The following LPP variants were observed in gnomAD, a reference collection of about 807,000 sequenced individuals.
LPP encodes LIM domain containing preferred translocation partner in lipoma, also known as lipoma-preferred partner.
LPP carries 38 observed loss-of-function variants against 60.4 expected under a neutral mutation model. That is an observed-to-expected ratio of 0.63 (90% CI 0.49 to 0.83). The LOEUF is 0.83. LPP is among the 40% of genes least tolerant of loss of function. The pLI, the probability that LPP is intolerant of heterozygous loss-of-function variation, is 0.00. For synonymous variants in LPP, 328 were observed against 290.8 expected (o/e 1.13, Z -1.30); for missense variants, 902 against 783.6 (o/e 1.15, Z -1.80).
In LPP at chr3:188,609,624, A is replaced by C; in HGVS notation, c.893A>C (p.Glu298Ala). ...GYAPNQGRYY[E>A]GYYAAGPGYG... The stretch of plus-strand genomic sequence containing the variant: ...GCCCCCAACCAGGGACGCTATTATG[A>C]AGGCTACTATGCAGCAGGGCCAGGC... The change falls in exon 7 of 12, where the codon GAA (glutamate) becomes GCA (alanine). Residue 298 changes from glutamate to alanine, a missense_variant. Transcript: ENST00000617246. This position sits in a 1 kb window ranked among gnomAD's most constrained non-coding sequence, Gnocchi z 6.9. 6.2e-7 allele frequency: 1 copy of C among 1,614,128 alleles called. No homozygotes were observed. Among genetic ancestry groups the C allele is most frequent in the African/African-American group, 1.3e-5 (1 of 75,030 alleles).
intron 4 of LPP, among the ~76,000 whole-genome samples, chr3:188,412,596 C>A (rs1488274095): frequency 2.0e-5 from 3 of 152,146 alleles, no homozygotes; most frequent in African/African-American, 7.2e-5. Context: ...ACACCTAGGG[C>A]TCTTACGAAT....
chr3:188,480,288 T>G (rs1034499416), intron 4 of LPP, among the ~76,000 whole-genome samples: 1 of 152,232 alleles, frequency 6.6e-6, no homozygotes, highest in African/African-American at 2.4e-5. Context: ...ACTCCTCATT[T>G]AACTGTTTCT....
chr3:188,216,188 T>G (rs1431470413), intron 1 of LPP, among the ~76,000 whole-genome samples: 1 of 152,174 alleles, frequency 6.6e-6, no homozygotes, highest in Non-Finnish European at 1.5e-5. Flanking sequence ...TATCTAATAT[T>G]TTAGTAATTA....
At chr3:188,392,436 C>T (rs183748207) in intron 3 of LPP, among the ~76,000 whole-genome samples, 10 of 152,238 alleles carry the variant, frequency 6.6e-5, no homozygotes, top group Admixed American at 1.3e-4. Context: ...GTTGCTCCCT[C>T]GCTGCACTGT....
intron 6 of LPP, among the ~76,000 whole-genome samples, chr3:188,604,689 G>T (rs1842066002): frequency 6.6e-6 from 1 of 152,004 alleles, no homozygotes; most frequent in Non-Finnish European, 1.5e-5. Context: ...CATTTTTCTT[G>T]GGATATTAAC....
chr3:188,651,977 G>A (rs2148980790), intron 7 of LPP, among the ~76,000 whole-genome samples: 1 of 152,292 alleles, frequency 6.6e-6, no homozygotes, highest in South Asian at 2.1e-4. Context: ...CATCAAAGCA[G>A]TTAAATGACT....
At chr3:188,847,680 G>A (rs969963776) in intron 9 of LPP, among the ~76,000 whole-genome samples, 31 of 152,188 alleles carry the variant, frequency 2.0e-4, no homozygotes, top group African/African-American at 7.0e-4. Context: ...TTAACAGGTT[G>A]TCAGGCAAAT....
intron 3 of LPP, among the ~76,000 whole-genome samples, chr3:188,380,685 G>A (rs1437040047): frequency 6.6e-6 from 1 of 152,118 alleles, no homozygotes; most frequent in African/African-American, 2.4e-5. Flanking sequence ...AGGTTTAGTG[G>A]TCCATGAACC....
intron 9 of LPP, among the ~76,000 whole-genome samples, chr3:188,781,725 A>T (rs1400957164): frequency 2.6e-5 from 4 of 151,538 alleles, no homozygotes; most frequent in African/African-American, 9.7e-5. Context: ...CTACTAAAAA[A>T]AAAAAAATAC....
intron 6 of LPP, among the ~76,000 whole-genome samples, chr3:188,527,348 G>A (rs1424559239): frequency 1.2e-4 from 9 of 73,650 alleles, no homozygotes; most frequent in South Asian, 5.3e-4. Context: ...GACTCCATCT[G>A]AAAAAAAAAA....
At chr3:188,579,629 T>G (rs1835574814) in intron 6 of LPP, among the ~76,000 whole-genome samples, 1 of 145,418 alleles carries the variant, frequency 6.9e-6, no homozygotes, top group East Asian at 2.1e-4. Context: ...ATATCTAACT[T>G]TATTAACAAT....
intron 4 of LPP, among the ~76,000 whole-genome samples, chr3:188,466,035 G>T (rs1437936766): frequency 6.6e-6 from 1 of 152,148 alleles, no homozygotes; most frequent in Non-Finnish European, 1.5e-5. Context: ...AGGGCAGGAA[G>T]AAGGGGCAAG....
chr3:188,681,617 C>T (rs1577004952), intron 7 of LPP, among the ~76,000 whole-genome samples: 1 of 152,224 alleles, frequency 6.6e-6, no homozygotes, highest in East Asian at 1.9e-4. Context: ...TGATGCACTT[C>T]TCAAAGTATG....
intron 7 of LPP, among the ~76,000 whole-genome samples, chr3:188,663,237 T>C (rs74781759): frequency 0.01 from 1,540 of 152,338 alleles, 30 homozygotes; most frequent in African/African-American, 0.035. Flanking sequence ...TGAGACATCT[T>C]GGATCTGATT....
chr3:188,679,814 G>C (rs978509173), intron 7 of LPP, among the ~76,000 whole-genome samples: 6 of 151,968 alleles, frequency 3.9e-5, no homozygotes, highest in Non-Finnish European at 7.4e-5. Flanking sequence ...GAAACCTTTT[G>C]ATGACTCAGG....
chr3:188,770,197 G>A (rs1334377079), intron 9 of LPP, among the ~76,000 whole-genome samples: 5 of 90,998 alleles, frequency 5.5e-5, no homozygotes, highest in South Asian at 6.9e-4. Flanking sequence ...TTTTTTTTCC[G>A]AGACGGGGTC....
rs1297421079 is a variant in LPP at position 188,520,482 on chromosome 3, C to T, written c.307-4183C>T. On this transcript the variant is annotated intron_variant, in intron 5 of 11. Coordinates refer to ENST00000617246, the MANE Select transcript of LPP (RefSeq NM_001375462.1). The stretch of plus-strand genomic sequence containing the variant: ...AGAACAGTATAGGGGAAAATGCCCC[C>T]GTGATTCAATTATCTCCCACACGGT... Among the ~76,000 whole-genome samples the T allele has an allele frequency of 3.3e-5, 5 of 152,306 alleles. No individual in the cohort carries two copies. The East Asian group carries it at 5.8e-4, about 18-fold the overall frequency.
chr3:188,661,856 A>G (rs531046725), intron 7 of LPP, among the ~76,000 whole-genome samples: 11 of 152,044 alleles, frequency 7.2e-5, no homozygotes, highest in African/African-American at 2.6e-4. Context: ...GAGAACTCCT[A>G]ACTCATTTTT....
intron 2 of LPP, among the ~76,000 whole-genome samples, chr3:188,230,300 G>T (rs1306543127): frequency 6.6e-6 from 1 of 152,016 alleles, no homozygotes; most frequent in African/African-American, 2.4e-5. Context: ...TGGCCAGAAT[G>T]GTCTTGATCT....
Sources: gnomAD v4.1 joint callset for allele counts (sites outside exome capture counted in the v4.1 genomes callset) on GRCh38, gnomAD v4.1.1 for gene constraint, Gnocchi (gnomAD v3.1) non-coding constraint, MANE v1.5 for transcripts, NCBI Gene and HGNC (gene_info 2026-07-23, HGNC 2026-07-21) for gene names.